IFI35: variants seen among roughly 807,000 people sequenced by gnomAD.
IFI35 encodes the protein interferon-induced 35 kDa protein.
A neutral mutation model predicts 28.6 loss-of-function variants in IFI35; 30 were observed. The ratio of observed to expected loss-of-function variants is 1.05; its 90% CI spans 0.79 to 1.43. The LOEUF is 1.43. Ranked by LOEUF, IFI35 falls within the 40% of genes most tolerant of loss-of-function variation. IFI35 has a pLI of 0.00. For missense variants in IFI35, 372 were observed against 356.9 expected (o/e 1.04, Z -0.34); for synonymous variants, 146 against 154.8 (o/e 0.94, Z 0.42).
chr17:43,009,351 G>C (rs1168202048), intron 1 of IFI35, among the ~76,000 whole-genome samples: 4 of 152,132 alleles, frequency 2.6e-5, no homozygotes, highest in African/African-American at 9.6e-5. Flanking sequence ...TGGGTCCGTG[G>C]CTCCTGCCTG....
In IFI35 at chr17:43,012,274, C is replaced by A; in HGVS notation, c.117C>A (p.Asp39Glu). ...LRKELGDSPKDKVPFSVPKIP... is the reference protein window; with the variant it reads ...LRKELGDSPKEKVPFSVPKIP... ...AGGAGCTCGGGGACTCCCCCAAAGA[C>A]AAGGTAAGGTGGGAGATCTGGTGTT... is the stretch of plus-strand genomic sequence containing the variant. The change falls in exon 2 of 7, where the codon GAC becomes GAA. Residue 39 changes from aspartate to glutamate, a missense_variant. Asp to Glu is a conservative substitution (Grantham distance 45). Transcript: ENST00000415816. 1 of 1,565,670 alleles carries A rather than the reference C, an allele frequency of 6.4e-7. No individual in the cohort carries two copies. The highest frequency in any genetic ancestry group is 8.7e-7 in the Non-Finnish European group (1 of 1,154,372).
At chr17:43,013,918 G>C in intron 6 of IFI35, 36 bp downstream of exon 6, 2 of 1,474,240 alleles carry the variant, frequency 1.4e-6, no homozygotes, top group Non-Finnish European at 1.8e-6. Flanking sequence ...GGCTGGGCTG[G>C]GTAACCTGTC....
rs34213054 is a variant in IFI35, at chr17:43,008,517, A to ATT, written c.21+1572_21+1573dup. ...GCACACATGCCACCACGCCTGGCTCATTTTTTTTTTTTTTTTTTTTTTTTG... is the reference window on the plus strand; with the variant it reads ...GCACACATGCCACCACGCCTGGCTCATTTTTTTTTTTTTTTTTTTTTTTTTTG... On this transcript the variant is annotated intron_variant, in intron 1 of 6. Coordinates refer to ENST00000415816, the MANE Select transcript of IFI35 (RefSeq NM_001330230.2). Among the ~76,000 whole-genome samples the ATT allele has an allele frequency of 8.1e-3, 333 of 41,064 alleles. 14 individuals are homozygous for ATT. The highest frequency in any genetic ancestry group is 9.6e-3 in the Non-Finnish European group (225 of 23,506). 26.9% of individuals were successfully genotyped at this position (41,064 alleles called of 152,430 possible). A position where few individuals can be genotyped will look rare whatever the true frequency, so the allele number is the denominator to read the frequency against.
chr17:43,014,134 G>T lies in IFI35; in HGVS notation c.696G>T (p.Ser232=), dbSNP rs576197306. The T allele has an allele frequency of 1.6e-5, 26 of 1,614,014 alleles. No individual in the cohort carries two copies. In the South Asian group the frequency reaches 2.3e-4, roughly 14 times the overall value. The part of the protein sequence containing the change: ...AEIRSQPVPR[S]VLVLNIPDIL... ...TCAGGTCGCAGCCAGTTCCCCGCTC[G>T]GTACTGGTGCTCAACATTCCTGATA... Residue 232 remains serine (S), a synonymous_variant, in exon 7 of 7, where the codon TCG becomes TCT. Coordinates refer to ENST00000415816, the MANE Select transcript of IFI35 (RefSeq NM_001330230.2).
At chr17:43,007,562 C>T (rs904325648) in intron 1 of IFI35, among the ~76,000 whole-genome samples, 3 of 150,980 alleles carry the variant, frequency 2.0e-5, no homozygotes, top group Non-Finnish European at 4.4e-5. Context: ...TGGCTCACAC[C>T]TGTAATCCCA....
intron 1 of IFI35, 116 bp from the exon 2 acceptor site, chr17:43,012,063 T>C (rs2050463556): frequency 2.9e-6 from 2 of 699,476 alleles, no homozygotes; most frequent in Non-Finnish European, 4.6e-6. Flanking sequence ...GGGTTGTTCT[T>C]GAGCTTAGCA....
intron 1 of IFI35, among the ~76,000 whole-genome samples, chr17:43,010,794 C>G (rs776973805): frequency 6.6e-6 from 1 of 152,154 alleles, no homozygotes; most frequent in African/African-American, 2.4e-5. Context: ...TATTTTGTGC[C>G]GGAGATCTTG....
intron 6 of IFI35, 51 bp from the exon 7 acceptor site, chr17:43,014,057 C>A: frequency 6.4e-7 from 1 of 1,567,438 alleles, no homozygotes; most frequent in Non-Finnish European, 8.7e-7. Context: ...CTACCCCCAG[C>A]CCCCAGCCCT....
At chr17:43,007,078 A>G in intron 1 of IFI35, 110 bp downstream of exon 1, 1 of 1,189,206 alleles carries the variant, frequency 8.4e-7, no homozygotes, top group African/African-American at 1.5e-5. Context: ...TGCCCATCTC[A>G]GACCTGCTGA....
intron 2 of IFI35, 88 bp from the exon 3 acceptor site, chr17:43,012,959 G>T: frequency 7.4e-7 from 1 of 1,355,064 alleles, no homozygotes; most frequent in South Asian, 1.3e-5. Context: ...ATTTATCTCC[G>T]GCACTCAGCA....
chr17:43,010,179 G>A (rs1173645430), intron 1 of IFI35, among the ~76,000 whole-genome samples: 5 of 151,884 alleles, frequency 3.3e-5, no homozygotes, highest in African/African-American at 7.3e-5. Flanking sequence ...AGCTTGCAGT[G>A]AGCAGAGATC....
intron 6 of IFI35, 40 bp from the exon 7 acceptor site, chr17:43,014,068 T>A (rs773786770): frequency 1.3e-6 from 2 of 1,597,744 alleles, no homozygotes; most frequent in Admixed American, 1.7e-5. Context: ...CCCCAGCCCT[T>A]CTCCCATGAG....
rs761497733 is a variant in IFI35 at position 43,013,877 on chromosome 17, G to C, written c.664G>C (p.Ala222Pro). Residue 222 changes from alanine to proline, a missense_variant, in exon 6 of 7, where the codon GCT (alanine) becomes CCT (proline). Physicochemically the swap from Ala to Pro is conservative, Grantham distance 27. Coordinates refer to ENST00000415816, the MANE Select transcript of IFI35 (RefSeq NM_001330230.2). ...SPYVNGEIQK[A>P]EIRSQPVPRS... is the part of the protein sequence containing the mutation. ...GTATGTGAACGGGGAGATCCAGAAG[G>C]CTGAGGTAAGCAGGAGGGGTGAAGA... 6.3e-7 allele frequency: 1 copy of C among 1,587,606 alleles called. No individual in the cohort carries two copies. Among genetic ancestry groups the C allele is most frequent in the East Asian group, 2.3e-5 (1 of 44,388 alleles).
At chr17:43,013,949 A>G in intron 6 of IFI35, 67 bp downstream of exon 6, 2 of 1,371,740 alleles carry the variant, frequency 1.5e-6, no homozygotes, top group Non-Finnish European at 2.0e-6. Context: ...GAACTTGCCC[A>G]ATGAAGGATC....
chr17:43,013,148 C>T lies in IFI35; in HGVS notation c.222C>T (p.Cys74=), dbSNP rs757746781. Residue 74 remains cysteine, a synonymous_variant, in exon 3 of 7, where the codon TGC becomes TGT. Coordinates refer to ENST00000415816, the MANE Select transcript of IFI35 (RefSeq NM_001330230.2). ...TAGTTTCCAATTTGCGGATCCACTGCCCTCTGCTTGCGGGCTCTGCTCTGA... is the reference window on the plus strand; with the variant it reads ...TAGTTTCCAATTTGCGGATCCACTGTCCTCTGCTTGCGGGCTCTGCTCTGA... ...KSLVSNLRIH[C]PLLAGSALIT... 1 of 1,614,080 alleles carries T rather than the reference C, an allele frequency of 6.2e-7. No individual in the cohort carries two copies. Among genetic ancestry groups the T allele is most frequent in the Non-Finnish European group, 8.5e-7 (1 of 1,180,022 alleles).
At chr17:43,008,786 G>GGA (rs1292666640) in intron 1 of IFI35, among the ~76,000 whole-genome samples, 1 of 151,944 alleles carries the variant, frequency 6.6e-6, no homozygotes, top group East Asian at 1.9e-4. Context: ...GCCTCCCAAA[G>GGA]TGCTGGGATT....
At position 43,014,364 on chromosome 17, in the gene IFI35, G is replaced by T; in HGVS notation, c.*65G>T. On this transcript the variant is annotated 3_prime_UTR_variant, in exon 7 of 7. Coordinates refer to ENST00000415816, the MANE Select transcript of IFI35 (RefSeq NM_001330230.2). ...TTCTCACACTGGCCTGGGCTTGGGT[G>T]CCCATATAGGAGGTCTGTATGTTCA... 2 of 1,205,376 alleles carry T rather than the reference G, an allele frequency of 1.7e-6. No individual in the cohort carries two copies. The highest frequency in any genetic ancestry group is 2.3e-6 in the Non-Finnish European group (2 of 869,458). 74.7% of individuals were successfully genotyped at this position (1,205,376 alleles called of 1,614,324 possible). A position where few individuals can be genotyped will look rare whatever the true frequency, so the allele number is the denominator to read the frequency against.
At chr17:43,013,419 C>G in intron 4 of IFI35, 46 bp downstream of exon 4, 1 of 1,612,494 alleles carries the variant, frequency 6.2e-7, no homozygotes, top group South Asian at 1.1e-5. Flanking sequence ...ATGCCATGCA[C>G]CTGGGCATGG....
At chr17:43,008,509 C>A (rs1300403234) in intron 1 of IFI35, among the ~76,000 whole-genome samples, 1 of 144,294 alleles carries the variant, frequency 6.9e-6, no homozygotes, top group Non-Finnish European at 1.5e-5. Flanking sequence ...TGCCACCACG[C>A]CTGGCTCATT....
Sources: gnomAD v4.1 joint callset for allele counts (sites outside exome capture counted in the v4.1 genomes callset) on GRCh38, gnomAD v4.1.1 for gene constraint, MANE v1.5 for transcripts, NCBI Gene and HGNC (gene_info 2026-07-23, HGNC 2026-07-21) for gene names.